The following CPVL variants were observed in gnomAD, a reference collection of about 807,000 sequenced individuals.
CPVL encodes carboxypeptidase vitellogenic like.
In CPVL, 51 loss-of-function variants were observed where a neutral mutation model predicts 63.7. The ratio of observed to expected loss-of-function variants is 0.80; its 90% confidence interval spans 0.64 to 1.01. CPVL has a LOEUF of 1.01. Ranked by LOEUF, CPVL falls within the 50% of genes least tolerant of loss-of-function variation. The pLI is 0.00. For missense variants in CPVL, 530 were observed against 573.1 expected (o/e 0.92, Z 0.77); for synonymous variants, 195 against 206.0 (o/e 0.95, Z 0.46).
chr7:29,007,149 C>T (rs1010968162), intron 12 of CPVL, among the ~76,000 whole-genome samples: 7 of 152,158 alleles, frequency 4.6e-5, no homozygotes, highest in Non-Finnish European at 1.0e-4. Flanking sequence ...AAAAACCACT[C>T]AACAGCCAAG....
chr7:29,059,994 G>A (rs1234209784), intron 11 of CPVL, among the ~76,000 whole-genome samples: 1 of 152,128 alleles, frequency 6.6e-6, no homozygotes, highest in Admixed American at 6.5e-5. Context: ...GCTTTTTACT[G>A]TTGTTACAAT....
intron 11 of CPVL, among the ~76,000 whole-genome samples, chr7:29,052,907 T>TCAAA (rs973168682): frequency 9.9e-5 from 15 of 151,928 alleles, no homozygotes; most frequent in Non-Finnish European, 1.6e-4. Context: ...AGTCTCCATC[T>TCAAA]CAAACAAACA....
chr7:29,185,860 T>C (rs895305487), intron 2 of CPVL, among the ~76,000 whole-genome samples: 11 of 152,310 alleles, frequency 7.2e-5, no homozygotes, highest in African/African-American at 2.4e-4. Flanking sequence ...AATATGTAGA[T>C]ATATTAAAGG....
chr7:29,000,406 T>TGTGTGGAAATGCAGGAG (rs934436139), intron 12 of CPVL, among the ~76,000 whole-genome samples: 3 of 147,834 alleles, frequency 2.0e-5, no homozygotes, highest in Admixed American at 6.7e-5. Flanking sequence ...GAGGAAACTG[T>TGTGTGGAAATGCAGGAG]GTGTGGAAAT....
intron 1 of CPVL, among the ~76,000 whole-genome samples, chr7:29,129,869 T>C (rs186785452): frequency 6.6e-6 from 1 of 152,142 alleles, no homozygotes; most frequent in Non-Finnish European, 1.5e-5. Context: ...GTCCTTATAA[T>C]AAGAGGAGGG....
intron 1 of CPVL, among the ~76,000 whole-genome samples, chr7:29,137,439 T>C (rs1467557758): frequency 1.3e-5 from 2 of 152,184 alleles, no homozygotes; most frequent in Non-Finnish European, 2.9e-5. Context: ...CCTAACCTTA[T>C]TAAGCAAATG....
intron 5 of CPVL, among the ~76,000 whole-genome samples, chr7:29,166,996 G>T: frequency 6.6e-6 from 1 of 151,890 alleles, no homozygotes; most frequent in East Asian, 1.9e-4. Context: ...TTTTTTGCAT[G>T]CATAGAGTAC....
intron 1 of CPVL, among the ~76,000 whole-genome samples, chr7:29,121,792 T>C (rs1023986654): frequency 6.6e-6 from 1 of 152,140 alleles, no homozygotes; most frequent in Admixed American, 6.5e-5. Flanking sequence ...TCTGGTTATG[T>C]TCTCTATCTC....
intron 3 of CPVL, 31 bp from the exon 4 acceptor site, chr7:29,096,248 C>G (rs771353754): frequency 6.6e-7 from 1 of 1,515,730 alleles, no homozygotes; most frequent in Non-Finnish European, 9.2e-7. Flanking sequence ...AGTGACCACA[C>G]AGAACACTCA....
At chr7:29,122,067 G>A (rs1789441499) in intron 1 of CPVL, among the ~76,000 whole-genome samples, 2 of 152,086 alleles carry the variant, frequency 1.3e-5, no homozygotes, top group South Asian at 2.1e-4. Flanking sequence ...ACATCAATAT[G>A]TAAATTATAT....
At chr7:29,159,718 T>C (rs1794921441) in intron 5 of CPVL, among the ~76,000 whole-genome samples, 1 of 152,156 alleles carries the variant, frequency 6.6e-6, no homozygotes, top group East Asian at 1.9e-4. Context: ...ATCCTGGGAT[T>C]ACTGATCCCT....
In CPVL at chr7:28,995,788, TC is replaced by T; in HGVS notation, c.1414del (p.Asp472IlefsTer51). On this transcript the variant is annotated frameshift_variant, in exon 13 of 13. Coordinates refer to ENST00000265394, the MANE Select transcript of CPVL (RefSeq NM_031311.5). LOFTEE classifies it high-confidence loss of function. ...GAAGGTAGTTTATCCAACATAAGGATCCCATCCTTTTCCATAAATGAATCGA... is the reference window on the plus strand; with the variant it reads ...GAAGGTAGTTTATCCAACATAAGGATCCATCCTTTTCCATAAATGAATCGA... ...INRFIYGKGW[D>X]PYVG The T allele has an allele frequency of 6.3e-7, 1 of 1,599,660 alleles. No individual in the cohort carries two copies. The highest frequency in any genetic ancestry group is 1.7e-5 in the Admixed American group (1 of 57,716).
At chr7:29,155,885 TC>T (rs758660602) in intron 5 of CPVL, among the ~76,000 whole-genome samples, 6 of 152,114 alleles carry the variant, frequency 3.9e-5, no homozygotes, top group Non-Finnish European at 5.9e-5. Flanking sequence ...CATCGGAGCG[TC>T]CTGTCAGGGT....
chr7:29,052,148 G>T (rs1790234219), intron 11 of CPVL, among the ~76,000 whole-genome samples: 1 of 151,754 alleles, frequency 6.6e-6, no homozygotes, highest in South Asian at 2.1e-4. Flanking sequence ...GGGGGAAGAT[G>T]GGAGGGTGGT....
At chr7:29,095,607 A>C (rs78310189) in intron 4 of CPVL, among the ~76,000 whole-genome samples, 3 of 152,138 alleles carry the variant, frequency 2.0e-5, no homozygotes, top group African/African-American at 4.8e-5. Context: ...AAAAAAAAAA[A>C]ACAAAATGAG....
At chr7:29,151,122 C>T (rs1562795833), upstream of CPVL, among the ~76,000 whole-genome samples, 1 of 152,156 alleles carries the variant, frequency 6.6e-6, no homozygotes, top group East Asian at 1.9e-4. Context: ...CTTCAGTCTC[C>T]TTGTACTTGG....
chr7:29,117,497 A>G lies in CPVL; in HGVS notation c.169+3396T>C, dbSNP rs117851747. ...ACGTAAATCTTACCCGACACTCTGA[A>G]GTCCAGAGCTGGTCATACAGCATAG... On this transcript the variant is annotated intron_variant, in intron 2 of 12. Transcript: ENST00000265394. Among the ~76,000 whole-genome samples, 412 of 152,312 alleles carry G rather than the reference A, an allele frequency of 2.7e-3. 2 individuals are homozygous for G. Among genetic ancestry groups the G allele is most frequent in the Non-Finnish European group, 3.9e-3 (267 of 68,012 alleles).
chr7:29,028,311 C>T, intron 12 of CPVL, among the ~76,000 whole-genome samples: 1 of 152,090 alleles, frequency 6.6e-6, no homozygotes, highest in East Asian at 1.9e-4. Context: ...AACGAAACCC[C>T]TATCTCTCAC....
chr7:29,080,224 C>T (rs1334087002), intron 7 of CPVL: 6 of 152,008 alleles, frequency 3.9e-5, no homozygotes, highest in Admixed American at 3.3e-4. Context: ...GTCTATGTAA[C>T]AAACCTTCAC....
Sources: gnomAD v4.1 joint callset for allele counts (sites outside exome capture counted in the v4.1 genomes callset) on GRCh38, gnomAD v4.1.1 for gene constraint, MANE v1.5 for transcripts, NCBI Gene and HGNC (gene_info 2026-07-23, HGNC 2026-07-21) for gene names.